The following PRKCQ variants were observed in gnomAD, a reference collection of about 807,000 sequenced individuals.
The protein encoded by PRKCQ is protein kinase C theta type.
PRKCQ carries 41 observed loss-of-function variants against 91.2 expected under a neutral mutation model. That is an observed-to-expected ratio of 0.45 (90% CI 0.35 to 0.58). The LOEUF (loss-of-function observed/expected upper bound fraction) is 0.58, where lower values mean the gene tolerates loss of function less well. Ranked by LOEUF, PRKCQ falls within the 20% of genes least tolerant of loss-of-function variation. PRKCQ has a pLI of 0.00. For missense variants in PRKCQ, 673 were observed against 896.5 expected, an observed-to-expected ratio of 0.75 and a Z score of 3.18; for synonymous variants, 307 against 316.9, an observed-to-expected ratio of 0.97 and a Z score of 0.33.
the PRKCQ span, among the ~76,000 whole-genome samples, chr10:6,408,771 C>T: frequency 6.6e-5 from 10 of 152,320 alleles, no homozygotes; most frequent in South Asian, 1.9e-3. Flanking sequence ...TTGGAAGATG[C>T]TATTTATCCA....
At chr10:6,495,349 C>G (rs1280172969) in intron 7 of PRKCQ, among the ~76,000 whole-genome samples, 1 of 152,228 alleles carries the variant, frequency 6.6e-6, no homozygotes, top group Admixed American at 6.5e-5. Flanking sequence ...TTGCAGCTGT[C>G]ACCACACTGG....
chr10:6,518,194 C>T (rs932847874), intron 1 of PRKCQ, among the ~76,000 whole-genome samples: 2 of 151,800 alleles, frequency 1.3e-5, no homozygotes, highest in African/African-American at 4.8e-5. Flanking sequence ...AATTCAAAAA[C>T]CAAAAGAAAA....
chr10:6,492,406 A>C lies in PRKCQ; in HGVS notation c.661-594T>G, dbSNP rs1262524194. Among the ~76,000 whole-genome samples, 6 of 152,314 alleles carry C rather than the reference A, an allele frequency of 3.9e-5. No individual in the cohort carries two copies. In the East Asian group the frequency reaches 1.2e-3, roughly 29 times the overall value. ...GGTTAACAAATATGTCACACGCATC[A>C]TCTATTACATAGGTGATATCTCACG... On this transcript the variant is annotated intron_variant, in intron 7 of 17. Transcript: ENST00000263125.
the PRKCQ span, among the ~76,000 whole-genome samples, chr10:6,417,472 C>G: frequency 7.4e-6 from 1 of 135,230 alleles, no homozygotes; most frequent in East Asian, 2.2e-4. Context: ...CTTAGATAAT[C>G]CACATTCAAG....
chr10:6,408,046 GTTTTTTTTTTTTTT>G, the PRKCQ span, among the ~76,000 whole-genome samples: 1 of 84,226 alleles, frequency 1.2e-5, no homozygotes, highest in African/African-American at 5.6e-5. Context: ...TCTTGTGTCA[GTTTTTTTTTTTTTT>G]TTTTTTTTTT....
intron 15 of PRKCQ, among the ~76,000 whole-genome samples, chr10:6,451,381 A>T (rs1330226072): frequency 6.6e-6 from 1 of 152,206 alleles, no homozygotes; most frequent in Non-Finnish European, 1.5e-5. Flanking sequence ...AACCAGGAAG[A>T]AGTTGAATCT....
intron 1 of PRKCQ, among the ~76,000 whole-genome samples, chr10:6,574,217 G>A (rs866994633): frequency 3.3e-5 from 5 of 152,232 alleles, no homozygotes; most frequent in Admixed American, 1.3e-4. Context: ...AGCTGCCAAC[G>A]TATAGGTGAG....
intron 1 of PRKCQ, among the ~76,000 whole-genome samples, chr10:6,559,449 C>T (rs1316216833): frequency 3.3e-5 from 5 of 152,286 alleles, no homozygotes; most frequent in Admixed American, 3.3e-4. Flanking sequence ...ATTTCCACCT[C>T]CTGGGTTCAA....
At chr10:6,555,061 A>G (rs931617326) in intron 1 of PRKCQ, among the ~76,000 whole-genome samples, 1 of 151,930 alleles carries the variant, frequency 6.6e-6, no homozygotes, top group African/African-American at 2.4e-5. Flanking sequence ...CTCACTTAGA[A>G]GTGGGAGCTA....
At chr10:6,431,619 G>A (rs186955047) in intron 16 of PRKCQ, among the ~76,000 whole-genome samples, 1 of 152,298 alleles carries the variant, frequency 6.6e-6, no homozygotes, top group East Asian at 1.9e-4. Context: ...ACAGCATAGA[G>A]TCAGTGATAA....
intron 11 of PRKCQ, among the ~76,000 whole-genome samples, chr10:6,480,633 A>G (rs1564336219): frequency 6.6e-6 from 1 of 152,244 alleles, no homozygotes; most frequent in Non-Finnish European, 1.5e-5. Context: ...TCTAACTTAC[A>G]GGACTGTTGT....
At chr10:6,562,890 T>C (rs1840686794) in intron 1 of PRKCQ, among the ~76,000 whole-genome samples, 1 of 152,228 alleles carries the variant, frequency 6.6e-6, no homozygotes, top group Non-Finnish European at 1.5e-5. Context: ...GCTCAGTCTA[T>C]GTTAGCTATA....
Position 6,442,024 on chromosome 10 carries a change from G to C in PRKCQ, c.1705C>G (p.Leu569Val). 1 of 1,614,134 alleles carries C rather than the reference G, an allele frequency of 6.2e-7. No individual in the cohort carries two copies. Among genetic ancestry groups the C allele is most frequent in the Non-Finnish European group, 8.5e-7 (1 of 1,180,028 alleles). ...SVDWWSFGVL[L>V]YEMLIGQSPF... The stretch of plus-strand genomic sequence containing the variant: ...GACTGACCAATCAGCATTTCATAAA[G>C]GAGAACCCCGAAGGACCACCAGTCC... The change falls in exon 16 of 18, where the codon CTT (leucine) becomes GTT (valine). Residue 569 changes from leucine to valine, a missense_variant. Leu to Val is a conservative substitution (Grantham distance 32). Transcript: ENST00000263125.
chr10:6,501,369 G>A (rs1837902734), intron 4 of PRKCQ, among the ~76,000 whole-genome samples: 2 of 152,114 alleles, frequency 1.3e-5, no homozygotes, highest in Admixed American at 1.3e-4. Context: ...CAGAGAGAAG[G>A]AAGAGTTGAG....
At chr10:6,444,142 C>T (rs547326811) in intron 15 of PRKCQ, among the ~76,000 whole-genome samples, 2 of 152,320 alleles carry the variant, frequency 1.3e-5, no homozygotes, top group South Asian at 4.1e-4. Flanking sequence ...ACAATCTCGG[C>T]TCACTGCAAC....
intron 17 of PRKCQ, among the ~76,000 whole-genome samples, 159 bp from the exon 18 acceptor site, chr10:6,428,521 T>C (rs1833243283): frequency 6.6e-6 from 1 of 152,170 alleles, no homozygotes; most frequent in Non-Finnish European, 1.5e-5. Context: ...CATGCCCAGC[T>C]CTCATTGAAC....
chr10:6,431,685 T>G (rs929596790), intron 16 of PRKCQ, among the ~76,000 whole-genome samples: 2 of 152,242 alleles, frequency 1.3e-5, no homozygotes, highest in African/African-American at 4.8e-5. Flanking sequence ...AAAGCTGCAT[T>G]CTTAGAATGA....
At position 6,486,153 on chromosome 10, in the gene PRKCQ, A is replaced by G. The variant is rs1387471915; in HGVS notation, c.791-9T>C. ...CACATTCATGCCACATGCTGGAAGGAAGAAGGCAGATAGTGAGCAAGAGTG... is the reference window on the plus strand; with the variant it reads ...CACATTCATGCCACATGCTGGAAGGGAGAAGGCAGATAGTGAGCAAGAGTG... On this transcript the variant is annotated splice_polypyrimidine_tract_variant and intron_variant, in intron 8 of 17. Transcript: ENST00000263125. 1 of 1,611,226 alleles carries G rather than the reference A, an allele frequency of 6.2e-7. No individual in the cohort carries two copies. Among genetic ancestry groups the G allele is most frequent in the Non-Finnish European group, 8.5e-7 (1 of 1,177,560 alleles).
chr10:6,438,288 A>G (rs1833798283), intron 16 of PRKCQ, among the ~76,000 whole-genome samples: 2 of 152,230 alleles, frequency 1.3e-5, no homozygotes, highest in South Asian at 4.1e-4. Context: ...CTTTTATTAG[A>G]GAGGTGGAAG....
Sources: gnomAD v4.1 joint callset for allele counts (sites outside exome capture counted in the v4.1 genomes callset) on GRCh38, gnomAD v4.1.1 for gene constraint, MANE v1.5 for transcripts, NCBI Gene and HGNC (gene_info 2026-07-23, HGNC 2026-07-21) for gene names.